MACROD2: variants seen among roughly 807,000 people sequenced by gnomAD.
MACROD2 encodes the protein ADP-ribose glycohydrolase MACROD2.
Under a neutral mutation model 70.4 loss-of-function variants are expected in MACROD2, and 36 were observed. That is an observed-to-expected ratio of 0.51 (90% CI 0.39 to 0.68). MACROD2 has a LOEUF of 0.68. Among genes scored for constraint, MACROD2 ranks in the 30% least tolerant of loss-of-function variants. The pLI, the probability that MACROD2 is intolerant of heterozygous loss-of-function variation, is 0.00. For synonymous variants in MACROD2, 172 were observed against 178.8 expected, an observed-to-expected ratio of 0.96 and a Z score of 0.30; for missense variants, 496 against 538.4, an observed-to-expected ratio of 0.92 and a Z score of 0.78.
intron 5 of MACROD2, among the ~76,000 whole-genome samples, chr20:14,769,867 A>G (rs939003110): frequency 4.6e-5 from 7 of 152,122 alleles, no homozygotes; most frequent in Non-Finnish European, 8.8e-5. Flanking sequence ...ACAAGAAGCA[A>G]TCAGCATTAT....
At chr20:15,487,716 G>A (rs2047180145) in intron 7 of MACROD2, among the ~76,000 whole-genome samples, 1 of 152,140 alleles carries the variant, frequency 6.6e-6, no homozygotes, top group South Asian at 2.1e-4. Flanking sequence ...GATTCTCCAT[G>A]CCAAATGTTC....
intron 3 of MACROD2, among the ~76,000 whole-genome samples, chr20:14,237,947 T>A (rs890146131): frequency 6.6e-6 from 1 of 151,958 alleles, no homozygotes; most frequent in African/African-American, 2.4e-5. Context: ...TCTATCATTG[T>A]TGGACCTTTG....
chr20:15,472,699 C>T (rs1368193516), intron 7 of MACROD2, among the ~76,000 whole-genome samples: 2 of 152,074 alleles, frequency 1.3e-5, no homozygotes, highest in South Asian at 4.1e-4. Context: ...CAAGTTTATT[C>T]TATTTCCTAT....
intron 5 of MACROD2, among the ~76,000 whole-genome samples, chr20:14,892,382 C>A (rs6079598): frequency 0.26 from 39,207 of 151,766 alleles, 5,478 homozygotes; most frequent in African/African-American, 0.35. Flanking sequence ...GGCTGAGACA[C>A]GAGAATCACT....
At chr20:14,453,812 T>C (rs961264121) in intron 3 of MACROD2, among the ~76,000 whole-genome samples, 7 of 152,148 alleles carry the variant, frequency 4.6e-5, no homozygotes, top group African/African-American at 1.7e-4. Flanking sequence ...ATTTATAGCC[T>C]ATATATAATT....
intron 5 of MACROD2, among the ~76,000 whole-genome samples, chr20:14,694,264 G>A (rs1214246641): frequency 6.6e-6 from 1 of 152,160 alleles, no homozygotes; most frequent in African/African-American, 2.4e-5. Context: ...ATAACAAAGG[G>A]AATGCTGCTT....
At chr20:15,218,161 G>A (rs567158184) in intron 5 of MACROD2, among the ~76,000 whole-genome samples, 2 of 152,166 alleles carry the variant, frequency 1.3e-5, no homozygotes, top group African/African-American at 4.8e-5. Flanking sequence ...TCTATGTTGA[G>A]GATAGGCTCT....
Position 15,967,600 on chromosome 20 carries a change from C to T in MACROD2, c.955C>T (p.His319Tyr). The T allele has an allele frequency of 6.3e-7, 1 of 1,590,474 alleles. No homozygotes were observed. Among genetic ancestry groups the T allele is most frequent in the Non-Finnish European group, 8.6e-7 (1 of 1,166,798 alleles). ...TACAAAAGGCGGTGAAGTGACAGAT[C>T]ATTCTGTGCGTGACCAAGATCATCC... ...NITKGGEVTD[H>Y]SVRDQDHPDG... The change falls in exon 13 of 18, where the codon CAT becomes TAT. Residue 319 changes from histidine to tyrosine, a missense_variant. Physicochemically the swap from His to Tyr is moderately conservative, Grantham distance 83. Transcript: ENST00000684519.
rs1421255124 is a variant in MACROD2 at position 15,518,224 on chromosome 20, C to G, written c.645+18377C>G. 6.6e-5 allele frequency among the ~76,000 whole-genome samples: 10 copies of G among 152,306 alleles called. No homozygotes were observed. The East Asian group carries it at 1.9e-3, about 29-fold the overall frequency. On this transcript the variant is annotated intron_variant, in intron 8 of 17. Coordinates refer to ENST00000684519, the MANE Select transcript of MACROD2 (RefSeq NM_001351661.2). Reference sequence around the variant, plus strand: ...CTGAGATGATAGTGGTCAAATACTTCTCGAGGTCAGATTCATGCAGAGTTC... The same window carrying G: ...CTGAGATGATAGTGGTCAAATACTTGTCGAGGTCAGATTCATGCAGAGTTC...
chr20:15,006,442 T>C (rs1463031636), intron 5 of MACROD2, among the ~76,000 whole-genome samples: 1 of 151,992 alleles, frequency 6.6e-6, no homozygotes, highest in Non-Finnish European at 1.5e-5. Flanking sequence ...ATGGTGACTA[T>C]AGTTAATACA....
rs375018763 is a variant in MACROD2 at position 15,559,214 on chromosome 20, G to A, written c.645+59367G>A. Among the ~76,000 whole-genome samples, 27 of 106,078 alleles carry A rather than the reference G, an allele frequency of 2.5e-4. No individual in the cohort carries two copies. The East Asian group carries it at 4.0e-3, about 16-fold the overall frequency. The allele number at this position is 106,078 out of a possible 152,430, so 69.6% of individuals were successfully genotyped here. A position where few individuals can be genotyped will look rare whatever the true frequency, so the allele number is the denominator to read the frequency against. ...TGCACTCCAGCCTGGGCGACAGAGCGAAACTCCGTCTCAAAAAAAAAAAAA... is the reference window on the plus strand; with the variant it reads ...TGCACTCCAGCCTGGGCGACAGAGCAAAACTCCGTCTCAAAAAAAAAAAAA... On this transcript the variant is annotated intron_variant, in intron 8 of 17. Transcript: ENST00000684519.
At chr20:14,100,327 T>A (rs927463022) in intron 3 of MACROD2, among the ~76,000 whole-genome samples, 8 of 151,730 alleles carry the variant, frequency 5.3e-5, no homozygotes, top group African/African-American at 1.9e-4. Context: ...TGCAGTATAA[T>A]CTTAAAGTCA....
At chr20:15,084,790 G>A (rs147760273) in intron 5 of MACROD2, among the ~76,000 whole-genome samples, 170 of 152,222 alleles carry the variant, frequency 1.1e-3, no homozygotes, top group African/African-American at 4.0e-3. Flanking sequence ...TTGAACAAAG[G>A]TGTTTGCCAT....
intron 5 of MACROD2, among the ~76,000 whole-genome samples, chr20:14,785,924 A>G (rs1454445882): frequency 1.3e-5 from 2 of 152,106 alleles, no homozygotes; most frequent in Admixed American, 1.3e-4. Context: ...GATTAAAAGG[A>G]CAATGCTTCT....
At chr20:14,795,708 G>GT (rs1212731864) in intron 5 of MACROD2, among the ~76,000 whole-genome samples, 4 of 151,958 alleles carry the variant, frequency 2.6e-5, no homozygotes, top group African/African-American at 7.3e-5. Flanking sequence ...TTTTGTTTTC[G>GT]TTTTTTTAAA....
intron 8 of MACROD2, among the ~76,000 whole-genome samples, chr20:15,699,533 G>GT (rs937532384): frequency 1.3e-5 from 2 of 152,170 alleles, no homozygotes; most frequent in Non-Finnish European, 1.5e-5. Context: ...TTAATGCTCT[G>GT]TTTTTGTGCT....
At chr20:14,150,900 G>A (rs769475988) in intron 3 of MACROD2, among the ~76,000 whole-genome samples, 1 of 152,160 alleles carries the variant, frequency 6.6e-6, no homozygotes, top group Non-Finnish European at 1.5e-5. Context: ...AGGATTGGGG[G>A]TTACATGCCT....
chr20:14,930,527 C>T (rs957759574), intron 5 of MACROD2, among the ~76,000 whole-genome samples: 1 of 152,056 alleles, frequency 6.6e-6, no homozygotes. Context: ...AGCATTTCAT[C>T]TATAAATTTA....
At chr20:14,741,272 A>G (rs2071728667) in intron 5 of MACROD2, among the ~76,000 whole-genome samples, 1 of 152,170 alleles carries the variant, frequency 6.6e-6, no homozygotes, top group Non-Finnish European at 1.5e-5. Context: ...CTTTAGACCA[A>G]GCATCATGTT....
Sources: allele counts gnomAD v4.1 joint callset (sites outside exome capture counted in the v4.1 genomes callset), GRCh38; gene constraint gnomAD v4.1.1; transcripts MANE v1.5; gene names NCBI Gene and HGNC (gene_info 2026-07-23, HGNC 2026-07-21).